Variants in SNX20 observed in about 807,000 individuals in gnomAD.
SNX20 encodes sorting nexin 20, also known as sorting nexin-20.
A neutral mutation model predicts 24.5 loss-of-function variants in SNX20; 21 were observed. The observed-to-expected ratio is 0.86, with a 90% CI of 0.61 to 1.23. The LOEUF is 1.23. Among genes scored for constraint, SNX20 ranks in the 50% most tolerant of loss-of-function variants. SNX20 has a pLI of 0.00. For missense variants in SNX20, 433 were observed against 430.8 expected (o/e 1.00, Z -0.04); for synonymous variants, 206 against 192.8 (o/e 1.07, Z -0.57).
At chr16:50,674,743 C>T (rs1963145125) in intron 3 of SNX20, among the ~76,000 whole-genome samples, 1 of 152,226 alleles carries the variant, frequency 6.6e-6, no homozygotes, top group Non-Finnish European at 1.5e-5. Context: ...ATGTTTCACA[C>T]TTGGGAATTA....
Position 50,673,771 on chromosome 16 carries a change from G to A in SNX20, c.586C>T (p.Leu196=). 1 of 1,537,652 alleles carries A rather than the reference G, an allele frequency of 6.5e-7. No homozygotes were observed. Among genetic ancestry groups the A allele is most frequent in the Non-Finnish European group, 8.7e-7 (1 of 1,149,456 alleles). The part of the protein sequence containing the change: ...RPELREAFGC[L]RAGQYPRALE... Reference sequence around the variant, plus strand: ...GCGCGCGGGTACTGGCCGGCCCGCAGGCAGCCGAAAGCCTCGCGCAGCTCC... The same window carrying A: ...GCGCGCGGGTACTGGCCGGCCCGCAAGCAGCCGAAAGCCTCGCGCAGCTCC... The change falls in exon 4 of 4, where the codon CTG becomes TTG. Residue 196 remains leucine, a synonymous_variant. Coordinates refer to ENST00000330943, the MANE Select transcript of SNX20 (RefSeq NM_182854.4). This position sits in a 1 kb window ranked among gnomAD's most constrained non-coding sequence, Gnocchi z 4.1.
intron 2 of SNX20, 69 bp downstream of exon 2, chr16:50,677,328 T>C: frequency 6.9e-7 from 1 of 1,445,442 alleles, no homozygotes; most frequent in South Asian, 1.5e-5. Context: ...TCCCCCAAAG[T>C]GACCCACATT....
chr16:50,676,113 GAATCCACCCTACCACCGAC>G (rs926985129), intron 2 of SNX20, among the ~76,000 whole-genome samples, 192 bp from the exon 3 acceptor site: 22 of 152,108 alleles, frequency 1.4e-4, no homozygotes, highest in African/African-American at 5.3e-4. Context: ...CAGCCTGGCA[GAATCCACCCTACCACCGAC>G]AATCCCAAAT....
downstream of SNX20, chr16:50,668,996 G>A (rs1039205011): frequency 8.4e-6 from 13 of 1,550,654 alleles, no homozygotes; most frequent in South Asian, 1.3e-4. Flanking sequence ...ACCCCTAAGA[G>A]CTTCCTGGAA....
chr16:50,679,932 T>C (rs568279823), intron 1 of SNX20, among the ~76,000 whole-genome samples: 18 of 152,336 alleles, frequency 1.2e-4, no homozygotes, highest in African/African-American at 4.3e-4. Context: ...ACCAGGCAGC[T>C]GGCTCCAGGT....
chr16:50,669,066 C>A (rs1461204903), downstream of SNX20: 1 of 1,551,782 alleles, frequency 6.4e-7, no homozygotes, highest in Non-Finnish European at 8.7e-7. Context: ...TTGACGTGGA[C>A]ATCTCGGGTC....
At chr16:50,675,742 G>C (rs376178151) in intron 3 of SNX20, 28 bp downstream of exon 3, 13 of 1,610,300 alleles carry the variant, frequency 8.1e-6, no homozygotes, top group African/African-American at 6.7e-5. Context: ...AGTGAAAGAG[G>C]CTCCACCATT....
At chr16:50,677,295 A>G in intron 2 of SNX20, 102 bp downstream of exon 2, 1 of 1,395,316 alleles carries the variant, frequency 7.2e-7, no homozygotes. Flanking sequence ...AAGTTACAAG[A>G]GCTGCCCGGG....
chr16:50,673,615 C>T lies in SNX20; in HGVS notation c.742G>A (p.Ala248Thr). 1 of 1,571,442 alleles carries T rather than the reference C, an allele frequency of 6.4e-7. No individual in the cohort carries two copies. The highest frequency in any genetic ancestry group is 8.6e-7 in the Non-Finnish European group (1 of 1,166,282). Reference sequence around the variant, plus strand: ...CGCTGCAGGGCCCTCTCTCCGGCCGCGAAGGCCTCGGCGGGGCGGTCGAGG... The same window carrying T: ...CGCTGCAGGGCCCTCTCTCCGGCCGTGAAGGCCTCGGCGGGGCGGTCGAGG... ...RDLDRPAEAF[A>T]AGERALQRLQ... is the part of the protein sequence containing the mutation. Residue 248 changes from alanine to threonine, a missense_variant, in exon 4 of 4, where the codon GCG (alanine) becomes ACG (threonine). Transcript: ENST00000330943. This position sits in a 1 kb window ranked among gnomAD's most constrained non-coding sequence, Gnocchi z 4.1.
Position 50,673,788 on chromosome 16 carries a change from C to T in SNX20, c.569G>A (p.Arg190His). ...FLDFLTRPEL[R>H]EAFGCLRAGQ... is the part of the protein sequence containing the mutation. Reference sequence around the variant, plus strand: ...GGCCCGCAGGCAGCCGAAAGCCTCGCGCAGCTCCGGCCGCGTGAGGAAGTC... The same window carrying T: ...GGCCCGCAGGCAGCCGAAAGCCTCGTGCAGCTCCGGCCGCGTGAGGAAGTC... Residue 190 changes from arginine (R) to histidine (H), a missense_variant, in exon 4 of 4, where the codon CGC becomes CAC. By Grantham distance (29) the Arg-to-His change is conservative. Coordinates refer to ENST00000330943, the MANE Select transcript of SNX20 (RefSeq NM_182854.4). This position sits in a 1 kb window ranked among gnomAD's most constrained non-coding sequence, Gnocchi z 4.1. 1 of 1,567,356 alleles carries T rather than the reference C, an allele frequency of 6.4e-7. No individual in the cohort carries two copies.
At position 50,673,673 on chromosome 16, in the gene SNX20, C is replaced by G. The variant is rs576966789; in HGVS notation, c.684G>C (p.Pro228=). The G allele has an allele frequency of 2.2e-4, 325 of 1,495,974 alleles. No homozygotes were observed. The highest frequency in any genetic ancestry group is 1.6e-3 in the South Asian group (125 of 79,556). 92.7% of individuals were successfully genotyped at this position (1,495,974 alleles called of 1,614,324 possible). Residue 228 remains proline, a synonymous_variant, in exon 4 of 4, where the codon CCG becomes CCC. Transcript: ENST00000330943. This position sits in a 1 kb window ranked among gnomAD's most constrained non-coding sequence, Gnocchi z 4.1. ...LTAHCPAAAV[P]ALCAVLLCHR... ...GGCACAGCAGCACGGCGCACAGGGC[C>G]GGGACGGCGGCCGCAGGGCAGTGGG...
At chr16:50,667,881 G>A (rs1962951463), downstream of SNX20, 1 of 899,350 alleles carries the variant, frequency 1.1e-6, no homozygotes, top group East Asian at 2.7e-5. Flanking sequence ...GGGGACTTTT[G>A]GAGGGGAGGG....
chr16:50,670,461 C>A (rs1567367934), downstream of SNX20: 1 of 152,170 alleles, frequency 6.6e-6, no homozygotes, highest in Non-Finnish European at 1.5e-5. Context: ...GGTCAGGTAC[C>A]CCCTCACCTC....
At chr16:50,679,217 G>T (rs1272182766) in intron 1 of SNX20, among the ~76,000 whole-genome samples, 2 of 152,142 alleles carry the variant, frequency 1.3e-5, no homozygotes, top group African/African-American at 4.8e-5. Context: ...GCTGACTACG[G>T]CCTAGAGAAA....
chr16:50,673,187 G>T lies in SNX20; in HGVS notation c.*219C>A. The T allele has an allele frequency of 1.4e-6, 1 of 718,892 alleles. No homozygotes were observed. The highest frequency in any genetic ancestry group is 1.9e-6 in the Non-Finnish European group (1 of 517,464). 44.5% of individuals were successfully genotyped at this position (718,892 alleles called of 1,614,324 possible). A position where few individuals can be genotyped will look rare whatever the true frequency, so the allele number is the denominator to read the frequency against. On this transcript the variant is annotated 3_prime_UTR_variant, in exon 4 of 4. Coordinates refer to ENST00000330943, the MANE Select transcript of SNX20 (RefSeq NM_182854.4). The surrounding 1 kb of genome is among the most constrained non-coding windows in gnomAD (Gnocchi z 4.1). ...GTGGTGGTGTGCACCTGTAATCCCA[G>T]CTACTTGGGAGGCTGAGGTGGGAGG... is the stretch of plus-strand genomic sequence containing the variant.
downstream of SNX20, chr16:50,668,047 G>A: frequency 1.3e-6 from 2 of 1,551,686 alleles, no homozygotes; most frequent in Non-Finnish European, 8.7e-7. Context: ...GGAGCCTACG[G>A]GTTGAAAGCC....
Position 50,675,852 on chromosome 16 carries a change from T to C in SNX20, c.200A>G (p.Gln67Arg). Residue 67 changes from glutamine (Q) to arginine (R), a missense_variant, in exon 3 of 4, where the codon CAG becomes CGG. Gln to Arg is a conservative substitution (Grantham distance 43, BLOSUM62 1). Coordinates refer to ENST00000330943, the MANE Select transcript of SNX20 (RefSeq NM_182854.4). ...TTTGACGTGCTTCCAGCGGCATTTC[T>C]GGTTCTGCCAGTACTGCTGAAGCTC... ...TRELQQYWQN[Q>R]KCRWKHVKLL... The C allele has an allele frequency of 1.2e-6, 2 of 1,613,750 alleles. No homozygotes were observed.
chr16:50,668,165 A>C (rs1484142470), downstream of SNX20: 3 of 1,538,000 alleles, frequency 2.0e-6, no homozygotes, highest in African/African-American at 4.1e-5. Flanking sequence ...CAAAGTCTCC[A>C]GGGTGCTTGG....
Position 50,675,854 on chromosome 16 carries a change from G to T in SNX20, c.198C>A (p.Asn66Lys). Reference sequence around the variant, plus strand: ...TGACGTGCTTCCAGCGGCATTTCTGGTTCTGCCAGTACTGCTGAAGCTCCC... The same window carrying T: ...TGACGTGCTTCCAGCGGCATTTCTGTTTCTGCCAGTACTGCTGAAGCTCCC... ...TTRELQQYWQ[N>K]QKCRWKHVKL... The change falls in exon 3 of 4, where the codon AAC (asparagine) becomes AAA (lysine). Residue 66 changes from asparagine to lysine, a missense_variant. Transcript: ENST00000330943. 6.2e-7 allele frequency: 1 copy of T among 1,613,554 alleles called. No individual in the cohort carries two copies.
Sources: allele counts gnomAD v4.1 joint callset (sites outside exome capture counted in the v4.1 genomes callset), GRCh38; gene constraint gnomAD v4.1.1; non-coding constraint Gnocchi (gnomAD v3.1); transcripts MANE v1.5; gene names NCBI Gene and HGNC (gene_info 2026-07-23, HGNC 2026-07-21).